GPRASP3: variants seen among roughly 807,000 people sequenced by gnomAD.
The protein encoded by GPRASP3 is G protein-coupled receptor associated sorting protein family member 3, also known as G protein-coupled receptor associated sorting protein 3.
the GPRASP3 span, among the ~76,000 whole-genome samples, chrX:102,745,413 C>T: frequency 1.8e-5 from 2 of 111,289 alleles, no homozygotes; most frequent in East Asian, 5.7e-4. Context: ...GATGGGAGCC[C>T]CCTGCCCCAG....
At chrX:102,741,239 C>T in the GPRASP3 span, among the ~76,000 whole-genome samples, 8 of 112,038 alleles carry the variant, frequency 7.1e-5, 1 homozygote, top group South Asian at 3.7e-4. Flanking sequence ...TTGAAAGAGA[C>T]CCAAGTGGGC....
chrX:102,727,365 G>A, the GPRASP3 span, among the ~76,000 whole-genome samples: 1 of 112,069 alleles, frequency 8.9e-6, no homozygotes, highest in Admixed American at 9.4e-5. Context: ...TCTTATGAAT[G>A]AGGACACTTT....
the GPRASP3 span, among the ~76,000 whole-genome samples, chrX:102,724,137 A>G: frequency 8.9e-6 from 1 of 111,980 alleles, no homozygotes; most frequent in African/African-American, 3.2e-5. Context: ...GTGGTCAGTC[A>G]GAAGCATGGG....
the GPRASP3 span, chrX:102,748,947 T>G: frequency 2.6e-6 from 3 of 1,143,688 alleles, no homozygotes; most frequent in Non-Finnish European, 2.3e-6. Context: ...TAGGACACAT[T>G]GAGAACCAAG....
the GPRASP3 span, among the ~76,000 whole-genome samples, chrX:102,722,931 C>T: frequency 1.0e-4 from 11 of 110,040 alleles, no homozygotes; most frequent in African/African-American, 3.6e-4. Flanking sequence ...CAATAGGGTG[C>T]CTATAGTTAA....
chrX:102,742,708 T>C, the GPRASP3 span, among the ~76,000 whole-genome samples: 1 of 111,579 alleles, frequency 9.0e-6, no homozygotes, highest in African/African-American at 3.3e-5. Context: ...CAAGCACCCA[T>C]AGGAGATTCG....
At chrX:102,727,118 T>A in the GPRASP3 span, among the ~76,000 whole-genome samples, 1 of 112,731 alleles carries the variant, frequency 8.9e-6, no homozygotes, top group Non-Finnish European at 1.9e-5. Flanking sequence ...TAACAAGGAA[T>A]TCAACTAAAA....
the GPRASP3 span, among the ~76,000 whole-genome samples, chrX:102,732,997 AAAG>A: frequency 8.9e-6 from 1 of 112,202 alleles, no homozygotes. Flanking sequence ...CAGTTTTCCC[AAAG>A]GGCTTTTATT....
At chrX:102,747,495 AAC>A in the GPRASP3 span, 1 of 111,918 alleles carries the variant, frequency 8.9e-6, no homozygotes, top group African/African-American at 3.3e-5. Flanking sequence ...GTATTAAAAT[AAC>A]AGTCTCCATT....
the GPRASP3 span, among the ~76,000 whole-genome samples, chrX:102,734,647 CAA>C: frequency 3.6e-5 from 4 of 111,322 alleles, no homozygotes; most frequent in African/African-American, 1.3e-4. Context: ...AAAAAAATAA[CAA>C]GACAATTGTC....
chrX:102,735,181 C>T, the GPRASP3 span, among the ~76,000 whole-genome samples: 3 of 111,486 alleles, frequency 2.7e-5, no homozygotes, highest in Non-Finnish European at 5.7e-5. Flanking sequence ...AGTGTCAAAC[C>T]GAATTCTTAA....
At chrX:102,735,888 G>A in the GPRASP3 span, among the ~76,000 whole-genome samples, 1 of 112,470 alleles carries the variant, frequency 8.9e-6, no homozygotes, top group Non-Finnish European at 1.9e-5. Context: ...CACCTTGCAT[G>A]TAAAACTGTT....
the GPRASP3 span, among the ~76,000 whole-genome samples, chrX:102,729,161 A>T: frequency 8.9e-6 from 1 of 112,214 alleles, no homozygotes; most frequent in Non-Finnish European, 1.9e-5. Flanking sequence ...GAAGGGCCTC[A>T]TGGCCCCTGC....
At chrX:102,749,774 C>T in the GPRASP3 span, 1 of 1,211,843 alleles carries the variant, frequency 8.3e-7, no homozygotes, top group Non-Finnish European at 1.1e-6. Flanking sequence ...TGTTCTTTGC[C>T]TGTGGCAACA....
chrX:102,731,291 C>G, the GPRASP3 span, among the ~76,000 whole-genome samples: 2 of 112,146 alleles, frequency 1.8e-5, no homozygotes, highest in Admixed American at 1.9e-4. Context: ...GAAAAAGAGA[C>G]CGAGGCAAAT....
the GPRASP3 span, among the ~76,000 whole-genome samples, chrX:102,731,488 G>T: frequency 9.0e-6 from 1 of 111,024 alleles, no homozygotes; most frequent in Non-Finnish European, 1.9e-5. Context: ...AACCCAGCTG[G>T]GTGTGGTGGC....
At chrX:102,732,737 AT>A in the GPRASP3 span, among the ~76,000 whole-genome samples, 3 of 111,778 alleles carry the variant, frequency 2.7e-5, 1 homozygote, top group South Asian at 7.5e-4. Flanking sequence ...AGCAAGAATA[AT>A]TTTTTTTCAC....
the GPRASP3 span, among the ~76,000 whole-genome samples, chrX:102,733,277 G>A: frequency 5.0e-3 from 555 of 110,777 alleles, no homozygotes; most frequent in Non-Finnish European, 6.0e-3. Flanking sequence ...CCAACATGGT[G>A]AAACCCCGTC....
the GPRASP3 span, chrX:102,750,665 A>G: frequency 1.8e-6 from 2 of 1,112,157 alleles, no homozygotes; most frequent in Non-Finnish European, 2.4e-6. Flanking sequence ...GAACATTTTA[A>G]GCCATCTTCA....
Sources: allele counts gnomAD v4.1 joint callset (sites outside exome capture counted in the v4.1 genomes callset), GRCh38; gene constraint gnomAD v4.1.1; transcripts MANE v1.5; gene names NCBI Gene and HGNC (gene_info 2026-07-23, HGNC 2026-07-21).